The following CLSTN2 variants were observed in gnomAD, a reference collection of about 807,000 sequenced individuals.
CLSTN2 encodes the protein calsyntenin 2.
CLSTN2 carries 48 observed loss-of-function variants against 101.2 expected under a neutral mutation model. The ratio of observed to expected loss-of-function variants is 0.47; its 90% confidence interval spans 0.38 to 0.60. The LOEUF (loss-of-function observed/expected upper bound fraction) is 0.60, where lower values mean the gene tolerates loss of function less well. Among genes scored for constraint, CLSTN2 ranks in the 20% least tolerant of loss-of-function variants. CLSTN2 has a pLI of 0.00. For missense variants in CLSTN2, 1,160 were observed against 1,238.2 expected (o/e 0.94, Z 0.95); for synonymous variants, 481 against 463.6 (o/e 1.04, Z -0.48).
intron 1 of CLSTN2, among the ~76,000 whole-genome samples, chr3:139,997,728 C>T (rs1480396232): frequency 6.6e-6 from 1 of 152,068 alleles, no homozygotes; most frequent in Non-Finnish European, 1.5e-5. Context: ...TGTACATTTT[C>T]AAATATACAT....
chr3:140,026,400 G>A (rs1333943235), intron 1 of CLSTN2, among the ~76,000 whole-genome samples: 4 of 152,140 alleles, frequency 2.6e-5, no homozygotes, highest in African/African-American at 7.2e-5. Flanking sequence ...TGCTGTGTGG[G>A]GTGTGTATGT....
intron 2 of CLSTN2, among the ~76,000 whole-genome samples, chr3:140,330,614 C>G (rs1433274160): frequency 1.3e-5 from 2 of 152,142 alleles, no homozygotes; most frequent in Non-Finnish European, 2.9e-5. Flanking sequence ...AAGTACTAGT[C>G]TCAGGCTCTG....
chr3:140,162,745 T>C lies in CLSTN2; in HGVS notation c.110-13206T>C, dbSNP rs768261249. 5.0e-4 allele frequency among the ~76,000 whole-genome samples: 76 copies of C among 152,208 alleles called. 2 individuals carry two copies. Among genetic ancestry groups the C allele is most frequent in the Non-Finnish European group, 4.6e-4 (31 of 68,034 alleles). Reference sequence around the variant, plus strand: ...ACATAAATAACAAGCAAAATTGGCCTGCCAGTGCTTTCTTTCTGAAGCATG... The same window carrying C: ...ACATAAATAACAAGCAAAATTGGCCCGCCAGTGCTTTCTTTCTGAAGCATG... On this transcript the variant is annotated intron_variant, in intron 1 of 16. Transcript: ENST00000458420.
intron 1 of CLSTN2, 59 bp from the exon 2 acceptor site, chr3:140,175,892 T>A: frequency 6.6e-7 from 1 of 1,509,116 alleles, no homozygotes; most frequent in Non-Finnish European, 9.1e-7. Context: ...AATAATACAT[T>A]ATTATGGGTT....
chr3:139,993,281 C>T (rs1936146854), intron 1 of CLSTN2, among the ~76,000 whole-genome samples: 1 of 152,136 alleles, frequency 6.6e-6, no homozygotes, highest in Non-Finnish European at 1.5e-5. Flanking sequence ...TCTCCTTCTA[C>T]CTGCAGAGGT....
intron 8 of CLSTN2, among the ~76,000 whole-genome samples, chr3:140,480,073 G>C (rs1037414505): frequency 6.6e-6 from 1 of 151,946 alleles, no homozygotes; most frequent in African/African-American, 2.4e-5. Context: ...TTTAGCATTA[G>C]GTATATCTCC....
At chr3:140,379,777 T>A (rs1462237328) in intron 2 of CLSTN2, among the ~76,000 whole-genome samples, 1 of 152,162 alleles carries the variant, frequency 6.6e-6, no homozygotes, top group East Asian at 1.9e-4. Context: ...GTGTCTTTAA[T>A]AAGCTACGAA....
intron 10 of CLSTN2, among the ~76,000 whole-genome samples, chr3:140,553,179 A>G (rs1935738036): frequency 6.6e-6 from 1 of 152,204 alleles, no homozygotes; most frequent in Non-Finnish European, 1.5e-5. Context: ...GCTCCTCAGG[A>G]CTTGGAAGGA....
chr3:140,554,728 T>C (rs1250454159), intron 10 of CLSTN2, among the ~76,000 whole-genome samples: 1 of 152,182 alleles, frequency 6.6e-6, no homozygotes, highest in East Asian at 1.9e-4. Context: ...AGATGACAAA[T>C]AACCCAAATG....
intron 2 of CLSTN2, among the ~76,000 whole-genome samples, chr3:140,273,131 T>C (rs1330480885): frequency 6.6e-6 from 1 of 152,094 alleles, no homozygotes; most frequent in Non-Finnish European, 1.5e-5. Context: ...AAAAAACTTT[T>C]ATTCCTGTGG....
Position 140,563,999 on chromosome 3 carries a change from G to A in CLSTN2, c.2521G>A (p.Val841Met), listed in dbSNP as rs762384117. Residue 841 changes from valine (V) to methionine (M), a missense_variant, in exon 16 of 17, where the codon GTG (valine) becomes ATG (methionine). Coordinates refer to ENST00000458420, the MANE Select transcript of CLSTN2 (RefSeq NM_022131.3). ...SIATVVIIIS[V>M]CMLVFVVAMG... Reference sequence around the variant, plus strand: ...TGCCACAGTGGTCATCATCATCTCCGTGTGCATGCTTGTGTTTGTCGTGGC... The same window carrying A: ...TGCCACAGTGGTCATCATCATCTCCATGTGCATGCTTGTGTTTGTCGTGGC... 5.0e-5 allele frequency: 80 copies of A among 1,613,952 alleles called. No individual in the cohort carries two copies. The highest frequency in any genetic ancestry group is 6.7e-5 in the East Asian group (3 of 44,890).
chr3:140,056,180 G>A (rs1382347013), intron 1 of CLSTN2, among the ~76,000 whole-genome samples: 2 of 152,190 alleles, frequency 1.3e-5, no homozygotes, highest in Non-Finnish European at 2.9e-5. Context: ...TGAAGTGAGT[G>A]GCTAGAGGGA....
chr3:140,411,342 T>G (rs563546753), intron 4 of CLSTN2, among the ~76,000 whole-genome samples: 13 of 152,318 alleles, frequency 8.5e-5, no homozygotes, highest in African/African-American at 2.9e-4. Flanking sequence ...GGTCATTATA[T>G]GATAATAAAA....
At chr3:140,298,441 C>T (rs1402331109) in intron 2 of CLSTN2, among the ~76,000 whole-genome samples, 1 of 152,160 alleles carries the variant, frequency 6.6e-6, no homozygotes, top group Non-Finnish European at 1.5e-5. Flanking sequence ...GGCCTATAAA[C>T]TTTCAAAGTG....
intron 5 of CLSTN2, among the ~76,000 whole-genome samples, chr3:140,427,186 T>A (rs58803748): frequency 0.1 from 7,607 of 72,670 alleles, 297 homozygotes; most frequent in Non-Finnish European, 0.12. Flanking sequence ...AAAAAAAAAA[T>A]ATATATATAT....
chr3:140,423,006 T>G (rs347319), intron 5 of CLSTN2, among the ~76,000 whole-genome samples: 89,161 of 152,092 alleles, frequency 0.59, 28,644 homozygotes, highest in African/African-American at 0.87. Flanking sequence ...ACCTGGAAAG[T>G]ATATATAAAC....
chr3:140,504,752 C>G (rs754708484), intron 8 of CLSTN2, among the ~76,000 whole-genome samples: 6 of 152,162 alleles, frequency 3.9e-5, no homozygotes, highest in Admixed American at 3.9e-4. Context: ...TTAATCAGAA[C>G]CTAGCATGAA....
At chr3:140,439,973 G>T (rs1216598464) in intron 5 of CLSTN2, among the ~76,000 whole-genome samples, 1 of 152,202 alleles carries the variant, frequency 6.6e-6, no homozygotes, top group African/African-American at 2.4e-5. Flanking sequence ...ATAGATATTT[G>T]TTGGGCAACT....
chr3:140,212,797 C>A (rs1329746024), intron 2 of CLSTN2, among the ~76,000 whole-genome samples: 1 of 152,210 alleles, frequency 6.6e-6, no homozygotes, highest in Non-Finnish European at 1.5e-5. Context: ...TAATCCCCCA[C>A]CATAAGACCC....
Sources: gnomAD v4.1 joint callset for allele counts (sites outside exome capture counted in the v4.1 genomes callset) on GRCh38, gnomAD v4.1.1 for gene constraint, MANE v1.5 for transcripts, NCBI Gene and HGNC (gene_info 2026-07-23, HGNC 2026-07-21) for gene names.